MACROD1: variants seen among roughly 807,000 people sequenced by gnomAD.
MACROD1 encodes ADP-ribose glycohydrolase MACROD1.
In MACROD1, 31 loss-of-function variants were observed where a neutral mutation model predicts 41.4. The ratio of observed to expected loss-of-function variants is 0.75; its 90% confidence interval spans 0.56 to 1.01. The LOEUF is 1.01. MACROD1 is among the 50% of genes least tolerant of loss of function. MACROD1 has a pLI of 0.00. For missense variants in MACROD1, 473 were observed against 460.0 expected (o/e 1.03, Z -0.26); for synonymous variants, 252 against 203.4 (o/e 1.24, Z -2.03).
At chr11:64,152,263 C>A (rs1168514225) in intron 2 of MACROD1, 29 bp downstream of exon 2, 1 of 1,605,562 alleles carries the variant, frequency 6.2e-7, no homozygotes, top group Non-Finnish European at 8.5e-7. Flanking sequence ...GGAGCCTGCC[C>A]ACCAGGGCCT....
intron 2 of MACROD1, 79 bp from the exon 3 acceptor site, chr11:64,151,434 G>A: frequency 9.4e-7 from 1 of 1,066,126 alleles, no homozygotes; most frequent in Non-Finnish European, 1.4e-6. Flanking sequence ...AGGGGCCAGG[G>A]CCTTCCCTAT....
chr11:64,118,059 G>A lies in MACROD1; in HGVS notation c.517+33180C>T, dbSNP rs138860076. ...CTACAACCGGGGCAGCAGGAAAAAG[G>A]ATGACTATATGGAGTCAGGGACCAA... On this transcript the variant is annotated intron_variant, in intron 3 of 10. Coordinates refer to ENST00000255681, the MANE Select transcript of MACROD1 (RefSeq NM_014067.4). The A allele has an allele frequency of 5.3e-4, 852 of 1,613,588 alleles. 1 individual carries two copies. The highest frequency in any genetic ancestry group is 6.9e-4 in the Non-Finnish European group (815 of 1,179,870).
chr11:64,068,370 G>C (rs1325912387), intron 3 of MACROD1, among the ~76,000 whole-genome samples: 1 of 152,240 alleles, frequency 6.6e-6, no homozygotes, highest in Non-Finnish European at 1.5e-5. Context: ...CTCAGGCCCA[G>C]CTGCCCGCAT....
rs1452251502 is a variant in MACROD1 at position 64,041,776 on chromosome 11, G to C, written c.518-26495C>G. On this transcript the variant is annotated intron_variant, in intron 3 of 10. Transcript: ENST00000255681. ...CACTTCTCTCTGGTCAGACCAGAGG[G>C]GGCCTGGCTTTGGTTCAGGGAATCT... Among the ~76,000 whole-genome samples the C allele has an allele frequency of 2.6e-5, 4 of 152,318 alleles. No individual in the cohort carries two copies. The East Asian group carries it at 7.7e-4, about 29-fold the overall frequency.
intron 4 of MACROD1, among the ~76,000 whole-genome samples, chr11:64,013,865 G>T (rs888168055): frequency 1.3e-4 from 20 of 152,164 alleles, no homozygotes; most frequent in African/African-American, 4.8e-4. Flanking sequence ...AGCACTCTTC[G>T]CTGGGCTCAT....
chr11:64,126,236 G>A (rs1362953885), intron 3 of MACROD1, among the ~76,000 whole-genome samples: 3 of 152,190 alleles, frequency 2.0e-5, no homozygotes, highest in South Asian at 2.1e-4. Context: ...AGGGGGTTCC[G>A]AGGACCCTGC....
At chr11:64,102,237 C>T (rs1351815516) in intron 3 of MACROD1, among the ~76,000 whole-genome samples, 4 of 152,222 alleles carry the variant, frequency 2.6e-5, no homozygotes, top group African/African-American at 9.6e-5. Context: ...GGCGCCGCGG[C>T]CCTTCCACAT....
At chr11:64,158,480 G>A (rs1255326240) in intron 1 of MACROD1, among the ~76,000 whole-genome samples, 1 of 152,118 alleles carries the variant, frequency 6.6e-6, no homozygotes, top group Non-Finnish European at 1.5e-5. Flanking sequence ...CTGGGCTCTA[G>A]CAATCCTCCC....
chr11:64,003,962 G>A (rs970657251), intron 4 of MACROD1, among the ~76,000 whole-genome samples: 4 of 152,168 alleles, frequency 2.6e-5, no homozygotes, highest in Admixed American at 6.5e-5. Context: ...TCCATCCAGC[G>A]GGACTTCCCG....
At chr11:64,161,486 C>T (rs1945754851) in intron 1 of MACROD1, among the ~76,000 whole-genome samples, 1 of 152,234 alleles carries the variant, frequency 6.6e-6, no homozygotes, top group South Asian at 2.1e-4. Flanking sequence ...TCTACACTTG[C>T]AGCACTTGAC....
chr11:64,102,614 T>C (rs905053414), intron 3 of MACROD1, among the ~76,000 whole-genome samples: 2 of 152,168 alleles, frequency 1.3e-5, no homozygotes, highest in Admixed American at 6.5e-5. Flanking sequence ...AAAAACTTCA[T>C]TTTTCTCTTC....
intron 3 of MACROD1, among the ~76,000 whole-genome samples, chr11:64,131,871 C>T (rs1037545829): frequency 2.6e-5 from 4 of 152,088 alleles, no homozygotes; most frequent in African/African-American, 9.7e-5. Context: ...TACAGGCAAA[C>T]AGGCCCTTGA....
intron 3 of MACROD1, among the ~76,000 whole-genome samples, chr11:64,101,419 G>A (rs1445420272): frequency 6.6e-6 from 1 of 152,144 alleles, no homozygotes; most frequent in Non-Finnish European, 1.5e-5. Context: ...CAAAAGCAGA[G>A]CTCAGTGGTT....
chr11:64,161,197 A>G (rs565960091), intron 1 of MACROD1, among the ~76,000 whole-genome samples: 2 of 152,230 alleles, frequency 1.3e-5, no homozygotes, highest in East Asian at 3.9e-4. Context: ...CAAAACAACA[A>G]AAGAGTGGGA....
chr11:64,153,355 T>C (rs969156203), intron 1 of MACROD1, among the ~76,000 whole-genome samples: 31 of 152,034 alleles, frequency 2.0e-4, no homozygotes, highest in Non-Finnish European at 4.1e-4. Context: ...AAGGCTACAA[T>C]TGAGAAACTC....
At chr11:64,077,051 C>T (rs997749668) in intron 3 of MACROD1, among the ~76,000 whole-genome samples, 1 of 149,160 alleles carries the variant, frequency 6.7e-6, no homozygotes, top group Admixed American at 6.7e-5. Context: ...GGAGATAGGG[C>T]AGGGTAGGGG....
chr11:64,107,650 A>G (rs1210066627), intron 3 of MACROD1, among the ~76,000 whole-genome samples: 1 of 152,254 alleles, frequency 6.6e-6, no homozygotes, highest in East Asian at 1.9e-4. Flanking sequence ...GCCCCCATGC[A>G]TCACAAGTTC....
At chr11:64,159,103 C>T (rs928729524) in intron 1 of MACROD1, among the ~76,000 whole-genome samples, 1 of 151,920 alleles carries the variant, frequency 6.6e-6, no homozygotes, top group South Asian at 2.1e-4. Flanking sequence ...AGGTGGATCA[C>T]GAGGTCAGGA....
chr11:64,116,936 C>G, intron 3 of MACROD1: 10 of 1,611,422 alleles, frequency 6.2e-6, no homozygotes, highest in South Asian at 1.1e-5. Flanking sequence ...GCCTCAACAG[C>G]CTGCGGCGCC....
Sources: allele counts gnomAD v4.1 joint callset (sites outside exome capture counted in the v4.1 genomes callset), GRCh38; gene constraint gnomAD v4.1.1; transcripts MANE v1.5; gene names NCBI Gene and HGNC (gene_info 2026-07-23, HGNC 2026-07-21).